The following CEP128 variants were observed in gnomAD, a reference collection of about 807,000 sequenced individuals.
CEP128 encodes centrosomal protein 128kDa.
CEP128 carries 132 observed loss-of-function variants against 156.7 expected under a neutral mutation model. The observed-to-expected ratio is 0.84, with a 90% CI of 0.73 to 0.97. The LOEUF (loss-of-function observed/expected upper bound fraction) is 0.97. CEP128 is among the 50% of genes least tolerant of loss of function. The pLI is 0.00. For synonymous variants in CEP128, 469 were observed against 448.9 expected (o/e 1.04, Z -0.57); for missense variants, 1,252 against 1,281.9 (o/e 0.98, Z 0.36).
chr14:80,900,053 TC>T (rs1354208653), intron 6 of CEP128, 24 bp from the exon 7 acceptor site: 1 of 1,493,930 alleles, frequency 6.7e-7, no homozygotes, highest in Non-Finnish European at 9.3e-7. Context: ...AACACAGTTA[TC>T]CATTTAGAAT....
chr14:80,477,806 C>T (rs1005469202), exon 15 of CEP128: 5 of 152,188 alleles, frequency 3.3e-5, no homozygotes, highest in Non-Finnish European at 5.9e-5. Flanking sequence ...ACCTCACTGT[C>T]GTCCTGAGAG....
chr14:80,836,078 G>C lies in CEP128; in HGVS notation c.1057+127C>G. The C allele has an allele frequency of 3.5e-6, 3 of 855,080 alleles. No homozygotes were observed. In the South Asian group the frequency reaches 5.1e-5, roughly 15 times the overall value. The allele number at this position is 855,080 out of a possible 1,614,324, so 53.0% of individuals were successfully genotyped here. On this transcript the variant is annotated intron_variant, in intron 12 of 24. Transcript: ENST00000555265. ...TCAACTTATCAGAAAATGTTTAATAGATCAAGAAATAGTATGACGTGAGCA... is the reference window on the plus strand; with the variant it reads ...TCAACTTATCAGAAAATGTTTAATACATCAAGAAATAGTATGACGTGAGCA...
At chr14:80,727,430 C>T (rs1423285649) in intron 19 of CEP128, among the ~76,000 whole-genome samples, 1 of 151,774 alleles carries the variant, frequency 6.6e-6, no homozygotes, top group African/African-American at 2.4e-5. Context: ...AATATTTTGC[C>T]AGAAAATATG....
intron 20 of CEP128, 136 bp from the exon 21 acceptor site, chr14:80,559,438 T>A: frequency 3.0e-6 from 2 of 673,552 alleles, no homozygotes; most frequent in Admixed American, 3.5e-5. Flanking sequence ...TGAGAACTAT[T>A]CAGAATGATC....
chr14:80,756,068 A>G (rs1195872511), intron 18 of CEP128, among the ~76,000 whole-genome samples: 1 of 152,318 alleles, frequency 6.6e-6, no homozygotes, highest in South Asian at 2.1e-4. Flanking sequence ...TTCTAAGTAC[A>G]TTGCTCTTGT....
At chr14:80,645,179 T>A (rs1894583173) in intron 19 of CEP128, among the ~76,000 whole-genome samples, 4 of 152,164 alleles carry the variant, frequency 2.6e-5, no homozygotes, top group Admixed American at 2.6e-4. Context: ...TTTTACCCAC[T>A]ATACAGTAAA....
In CEP128 at chr14:80,624,795, T is replaced by C. The variant is rs1042165857; in HGVS notation, c.2807-44372A>G. Among the ~76,000 whole-genome samples, 2 of 152,304 alleles carry C rather than the reference T, an allele frequency of 1.3e-5. 1 individual carries two copies. The highest frequency in any genetic ancestry group is 4.8e-5 in the African/African-American group (2 of 41,584). On this transcript the variant is annotated intron_variant, in intron 19 of 24. Coordinates refer to ENST00000555265, the MANE Select transcript of CEP128 (RefSeq NM_152446.5). ...TTTGTTTTCTGTTGAGTTGTCTGAG[T>C]TCTTTACATATTCTGAATATTAGTC...
intron 19 of CEP128, among the ~76,000 whole-genome samples, chr14:80,680,536 G>A (rs527430990): frequency 4.1e-4 from 62 of 152,094 alleles, no homozygotes; most frequent in African/African-American, 1.2e-3. Flanking sequence ...TGCTCCACAC[G>A]CAGACAAATA....
chr14:80,820,529 A>G (rs1302080385), intron 13 of CEP128, among the ~76,000 whole-genome samples: 2 of 152,218 alleles, frequency 1.3e-5, no homozygotes, highest in African/African-American at 4.8e-5. Flanking sequence ...TGAAATCTTT[A>G]CCAGAGCTCT....
chr14:80,729,056 G>GTGTGTGTGTGTGTGTGTGTGTGTGT (rs1898133887), intron 19 of CEP128, among the ~76,000 whole-genome samples: 1 of 88,180 alleles, frequency 1.1e-5, no homozygotes, highest in African/African-American at 4.2e-5. Flanking sequence ...TGGGCTGGTG[G>GTGTGTGTGTGTGTGTGTGTGTGTGT]GGGTGTGTGT....
intron 2 of CEP128, among the ~76,000 whole-genome samples, chr14:80,954,382 T>A (rs958383597): frequency 6.6e-5 from 10 of 151,614 alleles, no homozygotes; most frequent in Admixed American, 6.5e-5. Context: ...TTATCCATTA[T>A]CTAGTCGCGA....
At chr14:80,769,500 T>C (rs1900409467) in intron 16 of CEP128, among the ~76,000 whole-genome samples, 3 of 151,686 alleles carry the variant, frequency 2.0e-5, no homozygotes, top group African/African-American at 7.3e-5. Flanking sequence ...AGTGAGAACA[T>C]GCGGTGTTTG....
chr14:80,907,805 T>A (rs965008029), intron 4 of CEP128, among the ~76,000 whole-genome samples: 3 of 151,970 alleles, frequency 2.0e-5, no homozygotes, highest in African/African-American at 7.3e-5. Flanking sequence ...GATCACAAAG[T>A]AGTATATCAG....
intron 8 of CEP128, among the ~76,000 whole-genome samples, chr14:80,872,556 A>G (rs1242140935): frequency 1.3e-5 from 2 of 152,234 alleles, no homozygotes; most frequent in African/African-American, 4.8e-5. Flanking sequence ...AAGAGGGCTT[A>G]CCAGTAGAAA....
intron 19 of CEP128, among the ~76,000 whole-genome samples, chr14:80,742,319 C>T (rs984771304): frequency 9.2e-5 from 14 of 152,134 alleles, no homozygotes; most frequent in African/African-American, 3.1e-4. Context: ...CTCACAATGG[C>T]AAAACCACTG....
chr14:80,956,311 A>C (rs1047139121), intron 2 of CEP128, among the ~76,000 whole-genome samples: 2 of 152,216 alleles, frequency 1.3e-5, no homozygotes, highest in Non-Finnish European at 2.9e-5. Flanking sequence ...TGATTCATCA[A>C]ATTGTTGACA....
intron 20 of CEP128, among the ~76,000 whole-genome samples, chr14:80,573,805 C>A (rs1015656478): frequency 6.6e-6 from 1 of 152,130 alleles, no homozygotes; most frequent in Non-Finnish European, 1.5e-5. Flanking sequence ...GTTCACCTTT[C>A]GAGAAAATAG....
intron 19 of CEP128, among the ~76,000 whole-genome samples, chr14:80,738,925 C>T (rs370214458): frequency 3.2e-4 from 48 of 152,276 alleles, no homozygotes; most frequent in African/African-American, 9.9e-4. Flanking sequence ...GTGCCAGATT[C>T]GCCACTAAGG....
At chr14:80,751,448 T>C (rs766409963) in intron 18 of CEP128, among the ~76,000 whole-genome samples, 20 of 152,234 alleles carry the variant, frequency 1.3e-4, no homozygotes, top group Middle Eastern at 3.4e-3. Flanking sequence ...GAACACAATA[T>C]AGAAATAACT....
Sources: gnomAD v4.1 joint callset for allele counts (sites outside exome capture counted in the v4.1 genomes callset) on GRCh38, gnomAD v4.1.1 for gene constraint, MANE v1.5 for transcripts, NCBI Gene and HGNC (gene_info 2026-07-23, HGNC 2026-07-21) for gene names.